The following LRRK1 variants were observed in gnomAD, a reference collection of about 807,000 sequenced individuals.
LRRK1 encodes the protein leucine rich repeat kinase 1.
In LRRK1, 113 loss-of-function variants were observed where a neutral mutation model predicts 209.1. The observed-to-expected ratio is 0.54, with a 90% CI of 0.46 to 0.63. The LOEUF (loss-of-function observed/expected upper bound fraction) is 0.63. LRRK1 is among the 30% of genes least tolerant of loss of function. The pLI is 0.00. For missense variants in LRRK1, 2,284 were observed against 2,632.2 expected (o/e 0.87, Z 2.89); for synonymous variants, 1,144 against 1,099.7 (o/e 1.04, Z -0.80).
Position 101,056,854 on chromosome 15 carries a change from A to G in LRRK1, c.4333-2A>G. 6.3e-7 allele frequency: 1 copy of G among 1,594,356 alleles called. No homozygotes were observed. The highest frequency in any genetic ancestry group is 1.1e-5 in the South Asian group (1 of 88,340). ...ACCTGACTTGGCTTGTTCTGTGCCC[A>G]GGTAGATATGTTCTCCTATGGAATG... On this transcript the variant is annotated splice_acceptor_variant, in intron 27 of 33. Coordinates refer to ENST00000388948, the MANE Select transcript of LRRK1 (RefSeq NM_024652.6). LOFTEE classifies it high-confidence loss of function.
chr15:101,018,647 G>A (rs566658641), intron 12 of LRRK1, among the ~76,000 whole-genome samples: 14 of 152,340 alleles, frequency 9.2e-5, no homozygotes, highest in South Asian at 4.1e-4. Context: ...AGGACTACGC[G>A]CGGTACCAAT....
intron 29 of LRRK1, among the ~76,000 whole-genome samples, chr15:101,058,617 C>CGGAG (rs1555479974): frequency 4.0e-5 from 3 of 75,366 alleles, no homozygotes; most frequent in East Asian, 7.3e-4. Flanking sequence ...GAAGGGGCAA[C>CGGAG]GGGGGGGGGC....
intron 2 of LRRK1, among the ~76,000 whole-genome samples, chr15:100,946,007 T>G (rs2042533901): frequency 6.6e-6 from 1 of 152,212 alleles, no homozygotes; most frequent in African/African-American, 2.4e-5. Flanking sequence ...AATTATTAAA[T>G]GAATATGTTA....
At chr15:100,932,237 C>T (rs969243574) in intron 2 of LRRK1, among the ~76,000 whole-genome samples, 8 of 152,168 alleles carry the variant, frequency 5.3e-5, no homozygotes, top group African/African-American at 9.7e-5. Context: ...CCACTCGTCT[C>T]GGCCTCCCAA....
intron 11 of LRRK1, 114 bp from the exon 12 acceptor site, chr15:101,015,212 A>C: frequency 1.3e-6 from 1 of 781,838 alleles, no homozygotes; most frequent in Non-Finnish European, 2.2e-6. Flanking sequence ...CAGGCCCTGA[A>C]GAGTTGCACA....
chr15:101,025,312 C>T (rs558462667), intron 16 of LRRK1, among the ~76,000 whole-genome samples: 13 of 152,334 alleles, frequency 8.5e-5, no homozygotes, highest in Admixed American at 1.3e-4. Context: ...ACAAGTCCAA[C>T]TCAGCACCCT....
intron 24 of LRRK1, among the ~76,000 whole-genome samples, chr15:101,052,451 C>T (rs148674302): frequency 5.1e-5 from 6 of 118,742 alleles, no homozygotes; most frequent in African/African-American, 7.6e-5. Context: ...CCCAGAGCCT[C>T]GTTTACCTTC....
chr15:101,044,445 C>G (rs2034942117), intron 20 of LRRK1, among the ~76,000 whole-genome samples: 1 of 152,228 alleles, frequency 6.6e-6, no homozygotes. Flanking sequence ...TAGGACCTGT[C>G]CTGCCGACTC....
intron 6 of LRRK1, among the ~76,000 whole-genome samples, chr15:101,002,407 A>G (rs1448147221): frequency 6.6e-6 from 1 of 152,232 alleles, no homozygotes; most frequent in Non-Finnish European, 1.5e-5. Flanking sequence ...CCTTCTCGAG[A>G]AAGTGGTACT....
rs909104689 is a variant in LRRK1, at chr15:101,027,073, C to T, written c.2406-188C>T. ...TTTAGTCTGGGAAGACAGACTAAAG[C>T]GACACAGTGTGGGGCACCCAGCACA... On this transcript the variant is annotated intron_variant, in intron 17 of 33. Transcript: ENST00000388948. The surrounding 1 kb of genome is among the most constrained non-coding windows in gnomAD (Gnocchi z 5.1). Among the ~76,000 whole-genome samples, 17 of 152,126 alleles carry T rather than the reference C, an allele frequency of 1.1e-4. No individual in the cohort carries two copies. Among genetic ancestry groups the T allele is most frequent in the South Asian group, 4.1e-4 (2 of 4,820 alleles).
intron 2 of LRRK1, among the ~76,000 whole-genome samples, chr15:100,935,294 G>T (rs1206676198): frequency 6.6e-6 from 1 of 152,224 alleles, no homozygotes; most frequent in African/African-American, 2.4e-5. Context: ...TGTCTGGGGG[G>T]AGGTGGCATT....
intron 6 of LRRK1, chr15:100,989,761 G>A: frequency 3.1e-6 from 1 of 322,438 alleles, no homozygotes; most frequent in Non-Finnish European, 5.6e-6. Context: ...ATTTCATCAT[G>A]AGTTTTGAAG....
chr15:101,014,088 C>T (rs1026177073), intron 10 of LRRK1, among the ~76,000 whole-genome samples: 6 of 152,136 alleles, frequency 3.9e-5, no homozygotes, highest in African/African-American at 9.7e-5. Context: ...CCTCTCACTG[C>T]CTTTGAGGGA....
intron 2 of LRRK1, among the ~76,000 whole-genome samples, chr15:100,956,455 C>CTTTTTTTTTTCTTTTTTTTTTTTTTTT (rs2042762776): frequency 1.7e-5 from 1 of 60,534 alleles, no homozygotes; most frequent in African/African-American, 8.5e-5. Context: ...TTTTTTTTTT[C>CTTTTTTTTTTCTTTTTTTTTTTTTTTT]TTTTTTTTTT....
intron 2 of LRRK1, among the ~76,000 whole-genome samples, chr15:100,958,176 C>A (rs2042804401): frequency 6.6e-6 from 1 of 152,144 alleles, no homozygotes; most frequent in South Asian, 2.1e-4. Flanking sequence ...TTCTTTTGTT[C>A]TTTTCTTTCT....
chr15:101,042,596 T>C (rs745576382), intron 20 of LRRK1, among the ~76,000 whole-genome samples: 12 of 152,148 alleles, frequency 7.9e-5, no homozygotes, highest in Non-Finnish European at 1.8e-4. Context: ...CCCTCAGTTA[T>C]GCTGTCAGCC....
At chr15:101,052,826 A>G (rs922295687) in intron 24 of LRRK1, 96 bp from the exon 25 acceptor site, 3 of 1,421,682 alleles carry the variant, frequency 2.1e-6, no homozygotes, top group Non-Finnish European at 2.8e-6. Context: ...GATGGCTTTG[A>G]ACCATGACTC....
chr15:100,942,856 C>T (rs973545480), intron 2 of LRRK1, among the ~76,000 whole-genome samples: 2 of 152,124 alleles, frequency 1.3e-5, no homozygotes, highest in Non-Finnish European at 2.9e-5. Flanking sequence ...CCTCTCTGCT[C>T]ACAGTGGGCG....
Position 101,022,653 on chromosome 15 carries a change from T to TCCTTCTC in LRRK1, c.2067+66_2067+72dup. On this transcript the variant is annotated intron_variant, in intron 15 of 33. Transcript: ENST00000388948. This position sits in a 1 kb window ranked among gnomAD's most constrained non-coding sequence, Gnocchi z 4.0. ...TGGGTGGGAGGAACATCCCTTGGAC[T>TCCTTCTC]CCTTCTCCCTTCTCCCCAGAGAGCC... is the stretch of plus-strand genomic sequence containing the variant. The TCCTTCTC allele has an allele frequency of 8.0e-7, 1 of 1,247,994 alleles. No individual in the cohort carries two copies. Among genetic ancestry groups the TCCTTCTC allele is most frequent in the Middle Eastern group, 2.6e-4 (1 of 3,872 alleles). The allele number at this position is 1,247,994 out of a possible 1,614,324, so 77.3% of individuals were successfully genotyped here. A position where few individuals can be genotyped will look rare whatever the true frequency, so the allele number is the denominator to read the frequency against.
Sources: gnomAD v4.1 joint callset for allele counts (sites outside exome capture counted in the v4.1 genomes callset) on GRCh38, gnomAD v4.1.1 for gene constraint, Gnocchi (gnomAD v3.1) non-coding constraint, MANE v1.5 for transcripts, NCBI Gene and HGNC (gene_info 2026-07-23, HGNC 2026-07-21) for gene names.